CACHD1: variants seen among roughly 807,000 people sequenced by gnomAD.
CACHD1 encodes VWFA and cache domain-containing protein 1.
A neutral mutation model predicts 138.7 loss-of-function variants in CACHD1; 71 were observed. The observed-to-expected ratio is 0.51, with a 90% CI of 0.42 to 0.62. The LOEUF (loss-of-function observed/expected upper bound fraction) is 0.62. CACHD1 is among the 20% of genes least tolerant of loss of function. The pLI is 0.00. For missense variants in CACHD1, 1,389 were observed against 1,625.3 expected (o/e 0.85, Z 2.50); for synonymous variants, 578 against 591.5 (o/e 0.98, Z 0.33).
intron 19 of CACHD1, among the ~76,000 whole-genome samples, 164 bp from the exon 20 acceptor site, chr1:64,675,237 A>T (rs1210383136): frequency 6.6e-6 from 1 of 152,224 alleles, no homozygotes; most frequent in African/African-American, 2.4e-5. Context: ...TTTATTTTCT[A>T]AATTTTTAAC....
At position 64,611,388 on chromosome 1, in the gene CACHD1, C is replaced by G. The variant is rs150694370; in HGVS notation, c.517+8476C>G. 4.2e-3 allele frequency among the ~76,000 whole-genome samples: 644 copies of G among 152,286 alleles called. 6 individuals are homozygous for G. The highest frequency in any genetic ancestry group is 0.015 in the African/African-American group (603 of 41,558). On this transcript the variant is annotated intron_variant, in intron 4 of 26. Coordinates refer to ENST00000651257, the MANE Select transcript of CACHD1 (RefSeq NM_020925.4). ...TTTCCAAAATTTATGCTCTGCTTCC[C>G]TTTTAAATATAAATTCCAGTTTTAG...
In CACHD1 at chr1:64,634,103, G is replaced by A. The variant is rs12044872; in HGVS notation, c.849G>A (p.Lys283=). The change falls in exon 7 of 27, where the codon AAG becomes AAA. Residue 283 remains lysine (K), a synonymous_variant. Coordinates refer to ENST00000651257, the MANE Select transcript of CACHD1 (RefSeq NM_020925.4). Reference sequence around the variant, plus strand: ...CTTGCTCACTAGACCAGTGCTATAAGACCTTCTTGTCTCCAGCCACCAGTG... The same window carrying A: ...CTTGCTCACTAGACCAGTGCTATAAAACCTTCTTGTCTCCAGCCACCAGTG... ...VRTCSLDQCY[K]TFLSPATSET... is the part of the protein sequence containing the mutation. 1 of 1,611,410 alleles carries A rather than the reference G, an allele frequency of 6.2e-7. No individual in the cohort carries two copies. Among genetic ancestry groups the A allele is most frequent in the Non-Finnish European group, 8.5e-7 (1 of 1,179,166 alleles).
At chr1:64,562,929 A>T (rs1356907558) in intron 2 of CACHD1, among the ~76,000 whole-genome samples, 1 of 152,102 alleles carries the variant, frequency 6.6e-6, no homozygotes, top group Non-Finnish European at 1.5e-5. Context: ...TTCATATATC[A>T]AAAAGTTTTG....
intron 4 of CACHD1, among the ~76,000 whole-genome samples, chr1:64,620,259 A>G (rs12097652): frequency 0.3 from 45,863 of 152,024 alleles, 7,564 homozygotes; most frequent in African/African-American, 0.44. Context: ...GAAACAGTGA[A>G]TATCTATATA....
chr1:64,545,287 A>G (rs894813486), intron 1 of CACHD1, among the ~76,000 whole-genome samples: 40 of 152,240 alleles, frequency 2.6e-4, no homozygotes, highest in African/African-American at 9.4e-4. Context: ...TTCTCACAAA[A>G]GTGAACACAT....
At chr1:64,634,017 GGTTT>G in intron 6 of CACHD1, 23 bp from the exon 7 acceptor site, 7 of 1,214,810 alleles carry the variant, frequency 5.8e-6, no homozygotes, top group South Asian at 1.5e-5. Flanking sequence ...CAAGTTTGGT[GGTTT>G]TTTTTTTTTT....
At chr1:64,627,787 C>T (rs930261426) in intron 4 of CACHD1, among the ~76,000 whole-genome samples, 2 of 152,294 alleles carry the variant, frequency 1.3e-5, no homozygotes, top group Admixed American at 1.3e-4. Flanking sequence ...CACCTACTAG[C>T]TGTGGATATT....
intron 1 of CACHD1, among the ~76,000 whole-genome samples, chr1:64,533,362 A>G (rs1646604426): frequency 6.6e-6 from 1 of 152,150 alleles, no homozygotes; most frequent in East Asian, 1.9e-4. Flanking sequence ...TCTCAAAAAC[A>G]AGAGAGAGAG....
intron 1 of CACHD1, among the ~76,000 whole-genome samples, chr1:64,473,195 C>CT (rs1570286128): frequency 6.6e-6 from 1 of 152,200 alleles, no homozygotes; most frequent in African/African-American, 2.4e-5. Context: ...GGCTTCTCTC[C>CT]TTTTTTGAAA....
intron 2 of CACHD1, among the ~76,000 whole-genome samples, chr1:64,554,273 T>C (rs1190445048): frequency 4.6e-5 from 7 of 152,368 alleles, no homozygotes; most frequent in Admixed American, 4.6e-4. Context: ...ATTCCCTTAA[T>C]TGCAGGAATT....
At chr1:64,546,799 G>A (rs1004014456) in intron 1 of CACHD1, among the ~76,000 whole-genome samples, 4 of 151,888 alleles carry the variant, frequency 2.6e-5, no homozygotes, top group Non-Finnish European at 5.9e-5. Flanking sequence ...CAAAAGCCCC[G>A]TACTCTATTT....
At chr1:64,546,912 G>T (rs185482731) in intron 1 of CACHD1, among the ~76,000 whole-genome samples, 1 of 151,770 alleles carries the variant, frequency 6.6e-6, no homozygotes, top group African/African-American at 2.4e-5. Context: ...AAATAAAATG[G>T]ATAGAAAAAA....
In CACHD1 at chr1:64,666,051, C is replaced by A. The variant is rs1188912737; in HGVS notation, c.2277-6C>A. On this transcript the variant is annotated splice_region_variant and splice_polypyrimidine_tract_variant and intron_variant, in intron 15 of 26. Coordinates refer to ENST00000651257, the MANE Select transcript of CACHD1 (RefSeq NM_020925.4). ...AAATAACATGACTTTCTTTGGTCTC[C>A]ATTAGGTATCTCCATGCAGTAGCTA... 1 of 1,505,084 alleles carries A rather than the reference C, an allele frequency of 6.6e-7. No homozygotes were observed. 93.2% of individuals were successfully genotyped at this position (1,505,084 alleles called of 1,614,324 possible). A position where few individuals can be genotyped will look rare whatever the true frequency, so the allele number is the denominator to read the frequency against.
Position 64,599,240 on chromosome 1 carries a change from T to C in CACHD1, c.411-3566T>C, listed in dbSNP as rs368130116. ...GGACGAAGACAATTGATTAGTGTTT[T>C]GTTGGTATAAGCAGAATCTTAAAAA... On this transcript the variant is annotated intron_variant, in intron 3 of 26. Coordinates refer to ENST00000651257, the MANE Select transcript of CACHD1 (RefSeq NM_020925.4). 8.5e-5 allele frequency among the ~76,000 whole-genome samples: 13 copies of C among 152,302 alleles called. 1 individual carries two copies. Among genetic ancestry groups the C allele is most frequent in the Admixed American group, 4.6e-4 (7 of 15,302 alleles).
chr1:64,681,915 C>A, intron 25 of CACHD1, 90 bp from the exon 26 acceptor site: 1 of 1,071,172 alleles, frequency 9.3e-7, no homozygotes, highest in Non-Finnish European at 1.4e-6. Flanking sequence ...ATTCTCCCAG[C>A]ATGTAAATGA....
At chr1:64,684,475 T>C (rs1461096535) in intron 26 of CACHD1, among the ~76,000 whole-genome samples, 1 of 150,350 alleles carries the variant, frequency 6.7e-6, no homozygotes, top group Non-Finnish European at 1.5e-5. Flanking sequence ...AGAATAAGGA[T>C]ATAACAAAAG....
rs1649865373 is a variant in CACHD1, at chr1:64,673,033, A to G, written c.2511-125A>G. On this transcript the variant is annotated intron_variant, in intron 17 of 26. Coordinates refer to ENST00000651257, the MANE Select transcript of CACHD1 (RefSeq NM_020925.4). ...GCTTCCCTTCATTTTTCCAATGAGT[A>G]TTTATTGAGAACCTGGGATAAATGC... is the stretch of plus-strand genomic sequence containing the variant. The G allele has an allele frequency of 4.8e-6, 4 of 832,946 alleles. No homozygotes were observed. The South Asian group carries it at 6.2e-5, about 13-fold the overall frequency. The allele number at this position is 832,946 out of a possible 1,614,324, so 51.6% of individuals were successfully genotyped here.
chr1:64,633,038 A>T (rs559209820), intron 6 of CACHD1, among the ~76,000 whole-genome samples: 2 of 152,316 alleles, frequency 1.3e-5, no homozygotes, highest in Non-Finnish European at 1.5e-5. Context: ...AATTTATTGA[A>T]TACAGTACAC....
At chr1:64,656,703 A>C (rs115638454) in intron 12 of CACHD1, among the ~76,000 whole-genome samples, 3,667 of 152,204 alleles carry the variant, frequency 0.024, 75 homozygotes, top group Non-Finnish European at 0.038. Context: ...TTCAGGTAGC[A>C]GTGTTAGCTT....
Sources: allele counts gnomAD v4.1 joint callset (sites outside exome capture counted in the v4.1 genomes callset), GRCh38; gene constraint gnomAD v4.1.1; transcripts MANE v1.5; gene names NCBI Gene and HGNC (gene_info 2026-07-23, HGNC 2026-07-21).